Variants in ZNF362 observed in about 807,000 individuals in gnomAD.
The protein encoded by ZNF362 is zinc finger protein 362, also known as rotund homolog.
In ZNF362, 11 loss-of-function variants were observed where a neutral mutation model predicts 42.9. That is an observed-to-expected ratio of 0.26 (90% CI 0.16 to 0.42). ZNF362 has a LOEUF of 0.42. ZNF362 is among the 20% of genes least tolerant of loss of function. ZNF362 has a pLI of 1.00. For synonymous variants in ZNF362, 255 were observed against 257.3 expected (o/e 0.99, Z 0.09); for missense variants, 362 against 576.2 (o/e 0.63, Z 3.81).
At chr1:33,182,546 A>G in the ZNF362 span, among the ~76,000 whole-genome samples, 5 of 152,016 alleles carry the variant, frequency 3.3e-5, no homozygotes, top group South Asian at 2.1e-4. Context: ...AGCCCTGGCT[A>G]ACATCTGGCC....
chr1:33,181,436 G>T, the ZNF362 span: 1 of 1,589,548 alleles, frequency 6.3e-7, no homozygotes, highest in Non-Finnish European at 8.5e-7. The surrounding 1 kb of genome is among the most constrained non-coding windows in gnomAD (Gnocchi z 6.5). Flanking sequence ...ACGCCATGGC[G>T]CCAGGGGCAG....
the ZNF362 span, among the ~76,000 whole-genome samples, chr1:33,176,172 A>T: frequency 6.6e-6 from 1 of 152,230 alleles, no homozygotes; most frequent in Non-Finnish European, 1.5e-5. Flanking sequence ...CTTCCTGTCC[A>T]TGCTACAAAA....
chr1:33,169,792 G>T, the ZNF362 span, among the ~76,000 whole-genome samples: 1 of 152,228 alleles, frequency 6.6e-6, no homozygotes, highest in Admixed American at 6.5e-5. Context: ...CACCTGGGCT[G>T]CTGTATCAGA....
At chr1:33,221,951 T>C in the ZNF362 span, among the ~76,000 whole-genome samples, 1 of 151,476 alleles carries the variant, frequency 6.6e-6, no homozygotes, top group East Asian at 1.9e-4. Context: ...GCAAAGAAGG[T>C]AGAGAGAAAA....
the ZNF362 span, among the ~76,000 whole-genome samples, chr1:33,214,266 T>C: frequency 6.6e-6 from 1 of 152,160 alleles, no homozygotes. Context: ...TCTTCAATAT[T>C]TGGAGCTAGG....
chr1:33,191,448 A>C, the ZNF362 span, among the ~76,000 whole-genome samples: 4 of 152,014 alleles, frequency 2.6e-5, no homozygotes, highest in African/African-American at 7.3e-5. Flanking sequence ...TTTTATTGGT[A>C]TCTATTAGGC....
chr1:33,189,933 G>A, the ZNF362 span, among the ~76,000 whole-genome samples: 1 of 151,676 alleles, frequency 6.6e-6, no homozygotes, highest in Non-Finnish European at 1.5e-5. Flanking sequence ...CTTTGGCAAA[G>A]ACTCCATTTA....
At chr1:33,188,115 T>C in the ZNF362 span, among the ~76,000 whole-genome samples, 1 of 152,154 alleles carries the variant, frequency 6.6e-6, no homozygotes, top group East Asian at 1.9e-4. Context: ...GTGCCTGTAA[T>C]CCCAGCTACT....
At chr1:33,274,874 T>C (rs907774423) in intron 2 of ZNF362, 3 of 879,758 alleles carry the variant, frequency 3.4e-6, no homozygotes, top group African/African-American at 3.6e-5. Flanking sequence ...TAATACCTCT[T>C]GTGCCTACTT....
chr1:33,170,899 CTCACAGGGCA>C, the ZNF362 span, among the ~76,000 whole-genome samples: 2 of 152,178 alleles, frequency 1.3e-5, no homozygotes, highest in African/African-American at 4.8e-5. Flanking sequence ...AGTGTTCAGC[CTCACAGGGCA>C]CAGAGCCTGG....
the ZNF362 span, among the ~76,000 whole-genome samples, chr1:33,246,076 G>A: frequency 2.6e-5 from 4 of 152,266 alleles, no homozygotes; most frequent in African/African-American, 4.8e-5. Flanking sequence ...AGGGAGCATC[G>A]TCCTGCTGAT....
chr1:33,165,136 T>A, the ZNF362 span: 38 of 214,624 alleles, frequency 1.8e-4, no homozygotes, highest in African/African-American at 8.3e-4. The surrounding 1 kb of genome is among the most constrained non-coding windows in gnomAD (Gnocchi z 4.0). Context: ...CTGAGCACAT[T>A]CCCCAGCCCT....
chr1:33,263,245 G>A (rs1201310318), intron 1 of ZNF362, among the ~76,000 whole-genome samples: 2 of 152,134 alleles, frequency 1.3e-5, no homozygotes, highest in Non-Finnish European at 2.9e-5. Flanking sequence ...TGGTGGAGCC[G>A]GCAGCCCGTT....
At chr1:33,252,667 C>T (rs907432164), upstream of ZNF362, among the ~76,000 whole-genome samples, 11 of 152,166 alleles carry the variant, frequency 7.2e-5, no homozygotes, top group Non-Finnish European at 1.6e-4. Flanking sequence ...TCTCCAGAGC[C>T]TGGGACCCTA....
At chr1:33,275,440 T>C in intron 2 of ZNF362, 1 of 967,938 alleles carries the variant, frequency 1.0e-6, no homozygotes, top group Non-Finnish European at 1.2e-6. Flanking sequence ...ATCCACGTCG[T>C]TGTAGGTCAG....
chr1:33,158,334 A>T, the ZNF362 span: 8 of 1,613,866 alleles, frequency 5.0e-6, no homozygotes, highest in Non-Finnish European at 6.8e-6. Flanking sequence ...AAGTCTTCAT[A>T]TGTGAGGTTG....
At chr1:33,224,156 C>A in the ZNF362 span, among the ~76,000 whole-genome samples, 3 of 152,002 alleles carry the variant, frequency 2.0e-5, no homozygotes, top group Non-Finnish European at 4.4e-5. Context: ...GAAAGAGACC[C>A]ATAGGAGTCC....
chr1:33,267,717 G>A lies in ZNF362; in HGVS notation c.-88-2770G>A, dbSNP rs940683319. Among the ~76,000 whole-genome samples the A allele has an allele frequency of 3.9e-5, 6 of 152,286 alleles. No homozygotes were observed. The East Asian group carries it at 5.8e-4, about 15-fold the overall frequency. On this transcript the variant is annotated intron_variant, in intron 1 of 8. Coordinates refer to ENST00000539719, the MANE Select transcript of ZNF362 (RefSeq NM_152493.3). The stretch of plus-strand genomic sequence containing the variant: ...GCCAGTAACATTAGCTGTTATTAAC[G>A]ACCATAGACTATGACACCAGGTAAC...
At chr1:33,226,837 C>G in the ZNF362 span, among the ~76,000 whole-genome samples, 1 of 152,198 alleles carries the variant, frequency 6.6e-6, no homozygotes, top group Admixed American at 6.5e-5. Flanking sequence ...TGCACTCCAG[C>G]CTGGGCCATA....
Sources: gnomAD v4.1 joint callset for allele counts (sites outside exome capture counted in the v4.1 genomes callset) on GRCh38, gnomAD v4.1.1 for gene constraint, Gnocchi (gnomAD v3.1) non-coding constraint, MANE v1.5 for transcripts, NCBI Gene and HGNC (gene_info 2026-07-23, HGNC 2026-07-21) for gene names.